USP37: variants seen among roughly 807,000 people sequenced by gnomAD.
USP37 encodes the protein ubiquitin carboxyl-terminal hydrolase 37.
Under a neutral mutation model 124.0 loss-of-function variants are expected in USP37, and 27 were observed. The observed-to-expected ratio is 0.22, with a 90% CI of 0.16 to 0.30. The LOEUF is 0.30. Among genes scored for constraint, USP37 ranks in the 10% least tolerant of loss-of-function variants. The probability of loss-of-function intolerance (pLI) is 1.00; values close to 1 mark genes in which losing one functional copy is unlikely to be tolerated. For synonymous variants in USP37, 365 were observed against 388.0 expected (o/e 0.94, Z 0.70); for missense variants, 889 against 1,140.4 (o/e 0.78, Z 3.17).
At chr2:218,563,190 G>C (rs993981519) in intron 1 of USP37, among the ~76,000 whole-genome samples, 5 of 149,318 alleles carry the variant, frequency 3.3e-5, no homozygotes, top group Admixed American at 3.3e-4. Flanking sequence ...GAAAGTGATC[G>C]TTTATACAAC....
chr2:218,557,900 C>T (rs1287500941), intron 4 of USP37, among the ~76,000 whole-genome samples: 1 of 100,646 alleles, frequency 9.9e-6, no homozygotes. Flanking sequence ...CATTGTATTC[C>T]AGCCTGGGTG....
chr2:218,481,683 CTTTT>C (rs71403043), intron 17 of USP37, among the ~76,000 whole-genome samples: 8 of 134,466 alleles, frequency 5.9e-5, no homozygotes, highest in African/African-American at 8.1e-5. Context: ...CTTTTCTTTT[CTTTT>C]TTTTTTTTTT....
chr2:218,482,004 T>C (rs1448584177), intron 17 of USP37, 66 bp downstream of exon 17: 4 of 1,479,026 alleles, frequency 2.7e-6, no homozygotes, highest in South Asian at 1.4e-5. Context: ...GTCATTCTTT[T>C]GATTAGATAC....
chr2:218,553,769 C>T (rs1315294824), intron 4 of USP37, 45 bp from the exon 5 acceptor site: 2 of 1,544,308 alleles, frequency 1.3e-6, no homozygotes, highest in East Asian at 4.6e-5. Flanking sequence ...TGTATGACAA[C>T]TAAGTATAAC....
intron 10 of USP37, among the ~76,000 whole-genome samples, chr2:218,521,410 T>C (rs1390539990): frequency 6.6e-6 from 1 of 152,158 alleles, no homozygotes; most frequent in Non-Finnish European, 1.5e-5. Flanking sequence ...CCATGGTGAT[T>C]TGCTGCATCT....
In USP37 at chr2:218,534,692, A is replaced by G. The variant is rs1329187606; in HGVS notation, c.695T>C (p.Met232Thr). 1.2e-6 allele frequency: 2 copies of G among 1,604,334 alleles called. No homozygotes were observed. Among genetic ancestry groups the G allele is most frequent in the Non-Finnish European group, 1.7e-6 (2 of 1,175,744 alleles). Residue 232 changes from methionine to threonine, a missense_variant, in exon 9 of 26, where the codon ATG (methionine) becomes ACG (threonine). Met to Thr is a moderately conservative substitution (Grantham distance 81, BLOSUM62 -1). Around this residue, in one of 3 missense-constraint regions of USP37, gnomAD observed 374 missense variants for 386.0 expected, o/e 0.97. Coordinates refer to ENST00000258399, the MANE Select transcript of USP37 (RefSeq NM_020935.3). ...TAAATACTTTCTGGAGGGATCTGTC[A>G]TGGCCTTGTTGTTCCTATAGTTAAT... ...ENDSSSNNKA[M>T]TDPSRKYLTS...
chr2:218,473,152 C>T (rs184605507), intron 20 of USP37: 9 of 152,304 alleles, frequency 5.9e-5, no homozygotes, highest in Admixed American at 5.2e-4. Flanking sequence ...ACTGTAGCTC[C>T]CTTGAAGTGC....
At chr2:218,562,558 A>G (rs549024633) in intron 2 of USP37, 115 bp downstream of exon 2, 2 of 393,778 alleles carry the variant, frequency 5.1e-6, no homozygotes, top group South Asian at 2.9e-4. Context: ...TTCAGTGGTA[A>G]ATAAAGTATG....
chr2:218,535,380 G>A (rs981557858), intron 8 of USP37, among the ~76,000 whole-genome samples: 1 of 147,540 alleles, frequency 6.8e-6, no homozygotes, highest in African/African-American at 2.5e-5. Flanking sequence ...AAAAAAAAAA[G>A]TACAATGTTC....
At chr2:218,464,151 C>A (rs1054739827) in intron 21 of USP37, among the ~76,000 whole-genome samples, 10 of 152,158 alleles carry the variant, frequency 6.6e-5, no homozygotes, top group African/African-American at 2.4e-4. Context: ...GCCACCATAC[C>A]CAGCCCATTC....
intron 1 of USP37, among the ~76,000 whole-genome samples, chr2:218,565,791 G>C (rs746760946): frequency 1.3e-5 from 2 of 152,180 alleles, no homozygotes; most frequent in Non-Finnish European, 2.9e-5. Context: ...GCTCACACCT[G>C]TAATCCCAGC....
intron 19 of USP37, among the ~76,000 whole-genome samples, chr2:218,475,646 C>T (rs779582937): frequency 6.6e-6 from 1 of 152,110 alleles, no homozygotes; most frequent in Non-Finnish European, 1.5e-5. Flanking sequence ...CAGAGAATCG[C>T]CTGAACCTGG....
chr2:218,562,295 C>T (rs187714211), intron 2 of USP37, among the ~76,000 whole-genome samples: 2 of 152,070 alleles, frequency 1.3e-5, no homozygotes, highest in African/African-American at 2.4e-5. Flanking sequence ...TCCTTAAACT[C>T]GGTAATGGTA....
At chr2:218,472,116 G>A (rs759641238) in intron 20 of USP37, among the ~76,000 whole-genome samples, 14 of 151,772 alleles carry the variant, frequency 9.2e-5, no homozygotes, top group South Asian at 2.1e-4. Flanking sequence ...TCTTTCCTTC[G>A]CAATGTGATC....
rs1165480075 is a variant in USP37, at chr2:218,451,122, T to G, written c.*3808A>C. 5 of 152,198 alleles carry G rather than the reference T, an allele frequency of 3.3e-5. No homozygotes were observed. 9.4% of individuals were successfully genotyped at this position (152,198 alleles called of 1,614,324 possible). ...ATCAGTAGAGACAAAATTAGGATTT[T>G]GAAGTAATGCAATAAAAAGATGTTG... On this transcript the variant is annotated 3_prime_UTR_variant, in exon 26 of 26. Coordinates refer to ENST00000258399, the MANE Select transcript of USP37 (RefSeq NM_020935.3).
At chr2:218,538,969 A>ATTTTAT (rs58429706) in intron 8 of USP37, among the ~76,000 whole-genome samples, 3 of 152,004 alleles carry the variant, frequency 2.0e-5, no homozygotes, top group Non-Finnish European at 4.4e-5. Context: ...ATGCTACTTT[A>ATTTTAT]TTTTATTTTT....
At chr2:218,464,334 T>A (rs1690194079) in intron 21 of USP37, among the ~76,000 whole-genome samples, 1 of 151,464 alleles carries the variant, frequency 6.6e-6, no homozygotes, top group Admixed American at 6.6e-5. Context: ...ACCTCCCGGG[T>A]TCAAGCAATT....
At chr2:218,560,917 C>T (rs956608593) in intron 2 of USP37, 34 bp from the exon 3 acceptor site, 5 of 152,134 alleles carry the variant, frequency 3.3e-5, no homozygotes, top group South Asian at 2.1e-4. Flanking sequence ...AAAACACTTT[C>T]GAGAGTTTAA....
At chr2:218,529,723 G>A (rs1022530893) in intron 10 of USP37, among the ~76,000 whole-genome samples, 2 of 152,202 alleles carry the variant, frequency 1.3e-5, no homozygotes, top group African/African-American at 2.4e-5. Flanking sequence ...CAAGGCTCAA[G>A]TGATCCTTCC....
Sources: gnomAD v4.1 joint callset for allele counts (sites outside exome capture counted in the v4.1 genomes callset) on GRCh38, gnomAD v4.1.1 for gene constraint, gnomAD v4.1.1 regional missense constraint, MANE v1.5 for transcripts, NCBI Gene and HGNC (gene_info 2026-07-23, HGNC 2026-07-21) for gene names.